PKHD1L1: variants seen among roughly 807,000 people sequenced by gnomAD.
PKHD1L1 encodes the protein PKHD1 like 1.
Under a neutral mutation model 462.9 loss-of-function variants are expected in PKHD1L1, and 434 were observed. That is an observed-to-expected ratio of 0.94 (90% confidence interval 0.87 to 1.02). PKHD1L1 has a LOEUF of 1.02. PKHD1L1 is among the 50% of genes least tolerant of loss of function. The probability of loss-of-function intolerance (pLI) is 0.00; values close to 1 mark genes in which losing one functional copy is unlikely to be tolerated. For synonymous variants in PKHD1L1, 1,781 were observed against 1,750.0 expected, an observed-to-expected ratio of 1.02 and a Z score of -0.44; for missense variants, 5,202 against 5,096.1, an observed-to-expected ratio of 1.02 and a Z score of -0.63.
At chr8:109,436,216 C>A (rs1346951487) in intron 29 of PKHD1L1, 122 bp from the exon 30 acceptor site, 1 of 994,432 alleles carries the variant, frequency 1.0e-6, no homozygotes, top group African/African-American at 1.6e-5. Context: ...ATCTATTGGC[C>A]AGTACATCTC....
chr8:109,497,360 T>TA, intron 65 of PKHD1L1, 88 bp downstream of exon 65: 1 of 1,424,508 alleles, frequency 7.0e-7, no homozygotes, highest in South Asian at 1.3e-5. Context: ...ATAATCTCCT[T>TA]AACTTCTATC....
Position 109,410,051 on chromosome 8 carries a change from C to T in PKHD1L1, c.2085+73C>T, listed in dbSNP as rs1042128670. On this transcript the variant is annotated intron_variant, in intron 19 of 77. Coordinates refer to ENST00000378402, the MANE Select transcript of PKHD1L1 (RefSeq NM_177531.6). ...ATAATGGTTTTAAATTTTATAATTT[C>T]TCTTCTGAAGTAGCATTAATAACTT... is the stretch of plus-strand genomic sequence containing the variant. 41 of 833,672 alleles carry T rather than the reference C, an allele frequency of 4.9e-5. No homozygotes were observed. In the East Asian group the frequency reaches 9.5e-4, roughly 19 times the overall value. 51.6% of individuals were successfully genotyped at this position (833,672 alleles called of 1,614,324 possible).
rs147942629 is a variant in PKHD1L1, at chr8:109,412,284, A to C, written c.2105A>C (p.Gln702Pro). The C allele has an allele frequency of 2.5e-3, 3,996 of 1,613,744 alleles. 13 individuals carry two copies. The highest frequency in any genetic ancestry group is 7.5e-3 in the South Asian group (684 of 91,070). The change falls in exon 20 of 78, where the codon CAG (glutamine) becomes CCG (proline). Residue 702 changes from glutamine to proline, a missense_variant. Transcript: ENST00000378402. ...CGGTAGGAACATATTAACAGAGGGCAGAAGACAGCTGAAACCGATGCTTAC... is the reference window on the plus strand; with the variant it reads ...CGGTAGGAACATATTAACAGAGGGCCGAAGACAGCTGAAACCGATGCTTAC... ...DFNLEHINRG[Q>P]KTAETDAYCG... is the part of the protein sequence containing the mutation.
intron 25 of PKHD1L1, among the ~76,000 whole-genome samples, chr8:109,428,526 A>G (rs1200006203): frequency 6.6e-6 from 1 of 152,194 alleles, no homozygotes; most frequent in African/African-American, 2.4e-5. Context: ...GTTGTGCAAA[A>G]TAGTAATAGT....
intron 29 of PKHD1L1, among the ~76,000 whole-genome samples, chr8:109,435,711 G>C (rs1387897619): frequency 6.6e-5 from 10 of 152,168 alleles, no homozygotes; most frequent in African/African-American, 2.4e-4. Flanking sequence ...TCTTGACCCA[G>C]ACAAAGTTCT....
intron 77 of PKHD1L1, among the ~76,000 whole-genome samples, chr8:109,528,042 T>A (rs1448663151): frequency 6.6e-6 from 1 of 152,102 alleles, no homozygotes; most frequent in African/African-American, 2.4e-5. Context: ...GTACGAGGAA[T>A]GACAGGCAGA....
chr8:109,459,850 C>T lies in PKHD1L1; in HGVS notation c.7246+14C>T, dbSNP rs373066416. 6.2e-7 allele frequency: 1 copy of T among 1,603,270 alleles called. No individual in the cohort carries two copies. The highest frequency in any genetic ancestry group is 1.3e-5 in the African/African-American group (1 of 74,732). ...GATTTGACACAGGTAATTTTAGCAGCTCTCGTGGTTGGTATAATCATGCCA... is the reference window on the plus strand; with the variant it reads ...GATTTGACACAGGTAATTTTAGCAGTTCTCGTGGTTGGTATAATCATGCCA... On this transcript the variant is annotated intron_variant, in intron 47 of 77. Transcript: ENST00000378402.
At chr8:109,460,390 G>A (rs980150207) in intron 47 of PKHD1L1, among the ~76,000 whole-genome samples, 17 of 152,092 alleles carry the variant, frequency 1.1e-4, no homozygotes, top group Non-Finnish European at 2.2e-4. Flanking sequence ...TTCCTAGACT[G>A]ATGATGGATA....
Position 109,507,824 on chromosome 8 carries a change from G to A in PKHD1L1, c.11156G>A (p.Arg3719Lys). 6.2e-7 allele frequency: 1 copy of A among 1,613,554 alleles called. No individual in the cohort carries two copies. ...GNSQVGIGDY[R>K]IPKAMLTFLN... is the part of the protein sequence containing the mutation. Reference sequence around the variant, plus strand: ...AGCCAAGTAGGAATTGGAGACTACAGAATTCCTAAGGCGATGCTCACATTC... The same window carrying A: ...AGCCAAGTAGGAATTGGAGACTACAAAATTCCTAAGGCGATGCTCACATTC... Residue 3719 changes from arginine (R) to lysine (K), a missense_variant, in exon 69 of 78, where the codon AGA (arginine) becomes AAA (lysine). Arg to Lys is a conservative substitution (Grantham distance 26). Coordinates refer to ENST00000378402, the MANE Select transcript of PKHD1L1 (RefSeq NM_177531.6).
intron 32 of PKHD1L1, 126 bp downstream of exon 32, chr8:109,439,218 T>C (rs1815629236): frequency 1.2e-6 from 1 of 850,410 alleles, no homozygotes; most frequent in Non-Finnish European, 1.8e-6. Context: ...TATATCTTCT[T>C]TGGCAAAAGA....
chr8:109,510,146 A>G lies in PKHD1L1; in HGVS notation c.11396-631A>G, dbSNP rs1374137395. Among the ~76,000 whole-genome samples, 3 of 152,166 alleles carry G rather than the reference A, an allele frequency of 2.0e-5. No individual in the cohort carries two copies. In the East Asian group the frequency reaches 5.8e-4, roughly 29 times the overall value. On this transcript the variant is annotated intron_variant, in intron 70 of 77. Coordinates refer to ENST00000378402, the MANE Select transcript of PKHD1L1 (RefSeq NM_177531.6). ...TAACTGTCAACAAAAATTTCTTAAA[A>G]TTAAAATGGAGGAAGATTAATTACT...
At chr8:109,477,447 C>T in intron 53 of PKHD1L1, 51 bp downstream of exon 53, 2 of 1,464,114 alleles carry the variant, frequency 1.4e-6, no homozygotes, top group East Asian at 2.3e-5. Flanking sequence ...TAACATAATC[C>T]TTTTCACATG....
chr8:109,378,510 C>T lies in PKHD1L1; in HGVS notation c.164-2860C>T, dbSNP rs191537521. On this transcript the variant is annotated intron_variant, in intron 2 of 77. Coordinates refer to ENST00000378402, the MANE Select transcript of PKHD1L1 (RefSeq NM_177531.6). Reference sequence around the variant, plus strand: ...CATCCTATTTCTTCTACTAAAAATGCACTTCCCATAGATATCCTCATGGCT... The same window carrying T: ...CATCCTATTTCTTCTACTAAAAATGTACTTCCCATAGATATCCTCATGGCT... Among the ~76,000 whole-genome samples the T allele has an allele frequency of 1.9e-4, 29 of 152,336 alleles. 1 individual carries two copies. Among genetic ancestry groups the T allele is most frequent in the East Asian group, 1.2e-3 (6 of 5,184 alleles).
intron 59 of PKHD1L1, among the ~76,000 whole-genome samples, chr8:109,487,318 A>G (rs1818578562): frequency 6.6e-6 from 1 of 151,940 alleles, no homozygotes; most frequent in South Asian, 2.1e-4. Flanking sequence ...GAAATATTTT[A>G]GTATGCAACT....
Position 109,483,087 on chromosome 8 carries a change from G to GGAT in PKHD1L1, c.9560_9562dup (p.Asp3187dup). 1 of 1,585,060 alleles carries GGAT rather than the reference G, an allele frequency of 6.3e-7. No individual in the cohort carries two copies. The highest frequency in any genetic ancestry group is 8.6e-7 in the Non-Finnish European group (1 of 1,165,674). Reference sequence around the variant, plus strand: ...CAGGTTCCAAAGTCCTGTCTCTGATGGATGCTGTGGATTGGCAGGTAGACA... The same window carrying GGAT: ...CAGGTTCCAAAGTCCTGTCTCTGATGGATGATGCTGTGGATTGGCAGGTAGACA... On this transcript the variant is annotated inframe_insertion, in exon 57 of 78. Transcript: ENST00000378402.
At chr8:109,464,194 C>G in intron 48 of PKHD1L1, 22 bp from the exon 49 acceptor site, 1 of 1,513,104 alleles carries the variant, frequency 6.6e-7, no homozygotes, top group Non-Finnish European at 8.9e-7. Flanking sequence ...TACTAAATAA[C>G]TGTGATTTCT....
At position 109,391,890 on chromosome 8, in the gene PKHD1L1, C is replaced by T. The variant is rs187144499; in HGVS notation, c.740+1396C>T. ...CTACTTCTAGACACCTAGAGGCAAT[C>T]GGTGTCATTATAACAAATTGATGCC... is the stretch of plus-strand genomic sequence containing the variant. On this transcript the variant is annotated intron_variant, in intron 9 of 77. Transcript: ENST00000378402. Among the ~76,000 whole-genome samples, 242 of 152,238 alleles carry T rather than the reference C, an allele frequency of 1.6e-3. 1 individual carries two copies. Among genetic ancestry groups the T allele is most frequent in the South Asian group, 7.7e-3 (37 of 4,820 alleles).
chr8:109,429,432 C>T lies in PKHD1L1; in HGVS notation c.3093C>T (p.Asp1031=), dbSNP rs763671898. The T allele has an allele frequency of 4.4e-6, 7 of 1,607,942 alleles. No homozygotes were observed. In the African/African-American group the frequency reaches 9.4e-5, roughly 21 times the overall value. Reference sequence around the variant, plus strand: ...TATTCAGACAACATGTACTTGGAGACCTACTTCGTACACCCAGTCAACAGC... The same window carrying T: ...TATTCAGACAACATGTACTTGGAGATCTACTTCGTACACCCAGTCAACAGC... The part of the protein sequence containing the change: ...GGLFRQHVLG[D]LLRTPSQQPQ... Residue 1031 remains aspartate, a synonymous_variant, in exon 26 of 78, where the codon GAC becomes GAT. Transcript: ENST00000378402.
chr8:109,522,802 C>T lies in PKHD1L1; in HGVS notation c.12242C>T (p.Ser4081Phe), dbSNP rs1820617689. 2 of 1,612,290 alleles carry T rather than the reference C, an allele frequency of 1.2e-6. No individual in the cohort carries two copies. Among genetic ancestry groups the T allele is most frequent in the East Asian group, 2.2e-5 (1 of 44,830 alleles). The change falls in exon 75 of 78, where the codon TCC becomes TTC. Residue 4081 changes from serine (S) to phenylalanine (F), a missense_variant. By Grantham distance (155) the Ser-to-Phe change is radical (BLOSUM62 -2). Around this residue, in one of 3 missense-constraint regions of PKHD1L1, gnomAD observed 698 missense variants for 736.3 expected, o/e 0.95. Coordinates refer to ENST00000378402, the MANE Select transcript of PKHD1L1 (RefSeq NM_177531.6). ...AFPVHHVAFVSSLLVITQPVA... is the reference protein window; with the variant it reads ...AFPVHHVAFVFSLLVITQPVA... ...CCTGTTCATCACGTGGCCTTCGTGT[C>T]CTCACTCTTAGTGATCACTCAGCCG...
Sources: allele counts gnomAD v4.1 joint callset (sites outside exome capture counted in the v4.1 genomes callset), GRCh38; gene constraint gnomAD v4.1.1; regional missense constraint gnomAD v4.1.1; transcripts MANE v1.5; gene names NCBI Gene and HGNC (gene_info 2026-07-23, HGNC 2026-07-21).